The following PLCH2 variants were observed in gnomAD, a reference collection of about 807,000 sequenced individuals.
The protein encoded by PLCH2 is 1-phosphatidylinositol 4,5-bisphosphate phosphodiesterase eta-2.
PLCH2 carries 98 observed loss-of-function variants against 134.7 expected under a neutral mutation model. That is an observed-to-expected ratio of 0.73 (90% CI 0.62 to 0.86). The LOEUF is 0.86. Among genes scored for constraint, PLCH2 ranks in the 40% least tolerant of loss-of-function variants. The pLI is 0.00. For synonymous variants in PLCH2, 974 were observed against 827.5 expected, an observed-to-expected ratio of 1.18 and a Z score of -3.04; for missense variants, 1,994 against 1,986.6, an observed-to-expected ratio of 1.00 and a Z score of -0.07.
intron 6 of PLCH2, 40 bp from the exon 7 acceptor site, chr1:2,487,133 T>C: frequency 1.3e-6 from 2 of 1,529,140 alleles, no homozygotes; most frequent in East Asian, 4.9e-5. Flanking sequence ...ACGAGGCTGG[T>C]GGTGGGCTGA....
rs1233495902 is a variant in PLCH2, at chr1:2,504,103, C to A, written c.3141C>A (p.Asp1047Glu). ...CCAATGTGGCAAGCCCCCTAGAGGA[C>A]ACTGAGGAGCCCCGAGACAGCAGGC... is the stretch of plus-strand genomic sequence containing the variant. ...PGANVASPLE[D>E]TEEPRDSRPR... is the part of the protein sequence containing the mutation. Residue 1047 changes from aspartate (D) to glutamate (E), a missense_variant, in exon 22 of 22, where the codon GAC becomes GAA. Coordinates refer to ENST00000378486, the MANE Select transcript of PLCH2 (RefSeq NM_014638.4). 1.3e-6 allele frequency: 2 copies of A among 1,529,958 alleles called. No individual in the cohort carries two copies. The highest frequency in any genetic ancestry group is 1.8e-6 in the Non-Finnish European group (2 of 1,138,638). The allele number at this position is 1,529,958 out of a possible 1,614,324, so 94.8% of individuals were successfully genotyped here.
At chr1:2,438,149 T>TG (rs1639520524) in intron 2 of PLCH2, among the ~76,000 whole-genome samples, 1 of 152,230 alleles carries the variant, frequency 6.6e-6, no homozygotes, top group South Asian at 2.1e-4. Context: ...CTCAGAGCCC[T>TG]GGGGATGCTC....
rs767406734 is a variant in PLCH2 at position 2,459,593 on chromosome 1, CTT to C, written c.116-18882_116-18881del. 5.9e-3 allele frequency among the ~76,000 whole-genome samples: 691 copies of C among 117,418 alleles called. 119 individuals carry two copies. The highest frequency in any genetic ancestry group is 8.6e-3 in the South Asian group (29 of 3,364). The allele number at this position is 117,418 out of a possible 152,430, so 77.0% of individuals were successfully genotyped here. A position where few individuals can be genotyped will look rare whatever the true frequency, so the allele number is the denominator to read the frequency against. On this transcript the variant is annotated intron_variant, in intron 2 of 3. Transcript: ENST00000609981. Reference sequence around the variant, plus strand: ...GCCGGTGGTCCTCCTTGCCGGTGGTCTTCCTTTCCGGTGGTCCTCCTTGCCTG... The same window carrying C: ...GCCGGTGGTCCTCCTTGCCGGTGGTCCCTTTCCGGTGGTCCTCCTTGCCTG...
In PLCH2 at chr1:2,476,362, G is replaced by T. The variant is rs1641616957; in HGVS notation, c.-227G>T. ...GGTGGCCCTGGAGGGTGGATAGGCT[G>T]GCCTGGGGGCCATCAGGACAGCAGG... On this transcript the variant is annotated 5_prime_UTR_variant, in exon 1 of 22. Transcript: ENST00000378486. 1 of 458,328 alleles carries T rather than the reference G, an allele frequency of 2.2e-6. No individual in the cohort carries two copies. The highest frequency in any genetic ancestry group is 3.8e-6 in the Non-Finnish European group (1 of 261,436). 28.4% of individuals were successfully genotyped at this position (458,328 alleles called of 1,614,324 possible). A position where few individuals can be genotyped will look rare whatever the true frequency, so the allele number is the denominator to read the frequency against.
chr1:2,444,145 G>A lies in PLCH2; in HGVS notation c.115+13516G>A, dbSNP rs1308741462. On this transcript the variant is annotated intron_variant, in intron 2 of 3. Transcript: ENST00000609981. This position sits in a 1 kb window ranked among gnomAD's most constrained non-coding sequence, Gnocchi z 4.6. The stretch of plus-strand genomic sequence containing the variant: ...GGGTGCGGGCGCGGGACTGTGGGCG[G>A]GACGGGCGGAGCGGTCTTGAGCTCT... Among the ~76,000 whole-genome samples, 1 of 152,222 alleles carries A rather than the reference G, an allele frequency of 6.6e-6. No homozygotes were observed. Among genetic ancestry groups the A allele is most frequent in the South Asian group, 2.1e-4 (1 of 4,836 alleles).
In PLCH2 at chr1:2,502,354, C is replaced by CGGACCT. The variant is rs1643276530; in HGVS notation, c.2906_2911dup (p.Gly969_Pro970dup). ...CAGACGATGTGGTGCCCCCCGGGCC[C>CGGACCT]GGACCTGCTCCGGAAGCCCCAGCCC... On this transcript the variant is annotated inframe_insertion, in exon 21 of 22. Coordinates refer to ENST00000378486, the MANE Select transcript of PLCH2 (RefSeq NM_014638.4). The CGGACCT allele has an allele frequency of 1.4e-5, 21 of 1,539,854 alleles. No individual in the cohort carries two copies. Among genetic ancestry groups the CGGACCT allele is most frequent in the Non-Finnish European group, 1.8e-5 (21 of 1,144,250 alleles).
At chr1:2,464,895 CACAG>C (rs1342645974), upstream of PLCH2, among the ~76,000 whole-genome samples, 1 of 152,220 alleles carries the variant, frequency 6.6e-6, no homozygotes, top group African/African-American at 2.4e-5. Flanking sequence ...AGTCAACTCA[CACAG>C]ACTGAAGACG....
chr1:2,497,620 C>CG lies in PLCH2; in HGVS notation c.2224+13dup. 1.3e-6 allele frequency: 2 copies of CG among 1,530,650 alleles called. No individual in the cohort carries two copies. Among genetic ancestry groups the CG allele is most frequent in the Non-Finnish European group, 1.8e-6 (2 of 1,128,302 alleles). 94.8% of individuals were successfully genotyped at this position (1,530,650 alleles called of 1,614,324 possible). On this transcript the variant is annotated intron_variant, in intron 16 of 21. Transcript: ENST00000378486. ...GGTGCATGTGCCAGGGTGAGGCACT[C>CG]GGACACTCAGGGCTCGGACGCTCAG...
At chr1:2,423,035 A>G (rs574580186), upstream of PLCH2, among the ~76,000 whole-genome samples, 47 of 152,326 alleles carry the variant, frequency 3.1e-4, no homozygotes, top group African/African-American at 1.1e-3. Flanking sequence ...AAATATTTGG[A>G]AGCTGATAGA....
Position 2,439,987 on chromosome 1 carries a change from G to T in PLCH2, c.115+9358G>T, listed in dbSNP as rs76895166. ...GGAGGCTTCCCAGAGGAGGTGCCTC[G>T]TTCCTGACCTTGGAAACCAGGCAGG... On this transcript the variant is annotated intron_variant, in intron 2 of 3. Coordinates refer to the PLCH2 transcript ENST00000609981. The surrounding 1 kb of genome is among the most constrained non-coding windows in gnomAD (Gnocchi z 4.7). 3.3e-5 allele frequency among the ~76,000 whole-genome samples: 5 copies of T among 152,122 alleles called. No homozygotes were observed. Among genetic ancestry groups the T allele is most frequent in the African/African-American group, 1.2e-4 (5 of 41,422 alleles).
At chr1:2,502,845 AG>A (rs1348031760) in intron 21 of PLCH2, 1 of 717,034 alleles carries the variant, frequency 1.4e-6, no homozygotes, top group South Asian at 1.5e-5. Context: ...CTGCAGGGAG[AG>A]ATGAGTGCCT....
intron 2 of PLCH2, among the ~76,000 whole-genome samples, chr1:2,437,889 T>TG (rs1331865594): frequency 6.6e-6 from 1 of 152,160 alleles, no homozygotes; most frequent in Non-Finnish European, 1.5e-5. Context: ...GCCGTCCATC[T>TG]CAGTGGTCTT....
intron 2 of PLCH2, among the ~76,000 whole-genome samples, chr1:2,457,616 G>A (rs1640558216): frequency 6.6e-6 from 1 of 152,064 alleles, no homozygotes; most frequent in Non-Finnish European, 1.5e-5. Context: ...GCCTCTCAGG[G>A]GCCCAACAGC....
intron 1 of PLCH2, among the ~76,000 whole-genome samples, chr1:2,429,237 C>A (rs1384023211): frequency 6.6e-6 from 1 of 152,186 alleles, no homozygotes; most frequent in Admixed American, 6.5e-5. Context: ...CCCCTCCCAG[C>A]CCTGGCTGTT....
intron 20 of PLCH2, 39 bp from the exon 21 acceptor site, chr1:2,502,073 G>C (rs1643254688): frequency 7.1e-7 from 1 of 1,409,956 alleles, no homozygotes; most frequent in Non-Finnish European, 9.2e-7. Context: ...GCTGGGCTGG[G>C]ACCCCTGGCA....
At chr1:2,450,184 C>CG (rs1188142173) in intron 2 of PLCH2, among the ~76,000 whole-genome samples, 8 of 152,014 alleles carry the variant, frequency 5.3e-5, no homozygotes, top group African/African-American at 1.2e-4. Context: ...TGGGCCTCGA[C>CG]GGGGGGGCAG....
At chr1:2,451,796 C>A (rs749871946) in intron 2 of PLCH2, among the ~76,000 whole-genome samples, 1 of 152,298 alleles carries the variant, frequency 6.6e-6, no homozygotes, top group Non-Finnish European at 1.5e-5. Flanking sequence ...CTCTTGGCCC[C>A]AGCCCTGCCC....
At chr1:2,420,555 C>T in the PLCH2 span, among the ~76,000 whole-genome samples, 6 of 152,098 alleles carry the variant, frequency 3.9e-5, no homozygotes, top group Non-Finnish European at 5.9e-5. Flanking sequence ...GCCTCAAGTC[C>T]GCCTGCCAGG....
intron 8 of PLCH2, among the ~76,000 whole-genome samples, chr1:2,488,228 T>C (rs1314931759): frequency 6.6e-6 from 1 of 152,160 alleles, no homozygotes; most frequent in Non-Finnish European, 1.5e-5. Flanking sequence ...CAGAAGTAGA[T>C]GGGCCTCTCC....
Sources: allele counts gnomAD v4.1 joint callset (sites outside exome capture counted in the v4.1 genomes callset), GRCh38; gene constraint gnomAD v4.1.1; non-coding constraint Gnocchi (gnomAD v3.1); transcripts MANE v1.5; gene names NCBI Gene and HGNC (gene_info 2026-07-23, HGNC 2026-07-21).